WIPI2: variants seen among roughly 807,000 people sequenced by gnomAD.
WIPI2 encodes the protein WD repeat domain, phosphoinositide interacting 2, also known as WD repeat domain phosphoinositide-interacting protein 2.
Under a neutral mutation model 52.3 loss-of-function variants are expected in WIPI2, and 28 were observed. The ratio of observed to expected loss-of-function variants is 0.54; its 90% confidence interval spans 0.40 to 0.73. The LOEUF is 0.73. Among genes scored for constraint, WIPI2 ranks in the 30% least tolerant of loss-of-function variants. The probability of loss-of-function intolerance (pLI) is 0.00; values close to 1 mark genes in which losing one functional copy is unlikely to be tolerated. For synonymous variants in WIPI2, 268 were observed against 245.0 expected (o/e 1.09, Z -0.88); for missense variants, 506 against 602.9 (o/e 0.84, Z 1.68).
Position 5,192,244 on chromosome 7 carries a change from G to C in WIPI2, c.75-874G>C, listed in dbSNP as rs1270340519. On this transcript the variant is annotated intron_variant, in intron 1 of 12. Transcript: ENST00000288828. The stretch of plus-strand genomic sequence containing the variant: ...ACTATGTTAATCCAGATAGGGAAAA[G>C]GACACATCCCAAACCAATTCTAATT... Among the ~76,000 whole-genome samples, 4 of 152,174 alleles carry C rather than the reference G, an allele frequency of 2.6e-5. No individual in the cohort carries two copies. The East Asian group carries it at 7.7e-4, about 29-fold the overall frequency.
At position 5,193,778 on chromosome 7, in the gene WIPI2, A is replaced by G. The variant is rs61274393; in HGVS notation, c.128+607A>G. On this transcript the variant is annotated intron_variant, in intron 2 of 12. Transcript: ENST00000288828. Reference sequence around the variant, plus strand: ...GTTTTTGTAGGCACAGGGTCTTGCTATGTCGACCAGGCTGGTGTTGAACTC... The same window carrying G: ...GTTTTTGTAGGCACAGGGTCTTGCTGTGTCGACCAGGCTGGTGTTGAACTC... 4.8e-4 allele frequency among the ~76,000 whole-genome samples: 73 copies of G among 151,852 alleles called. 1 individual carries two copies. Among genetic ancestry groups the G allele is most frequent in the Middle Eastern group, 3.4e-3 (1 of 294 alleles).
At chr7:5,216,723 G>A (rs1412272678) in intron 5 of WIPI2, 64 bp downstream of exon 5, 8 of 1,504,898 alleles carry the variant, frequency 5.3e-6, no homozygotes, top group Non-Finnish European at 7.3e-6. Flanking sequence ...ATAGCTATAG[G>A]TGAGAGAGAT....
chr7:5,224,520 A>C (rs1783324807), intron 8 of WIPI2, among the ~76,000 whole-genome samples: 1 of 152,186 alleles, frequency 6.6e-6, no homozygotes. Flanking sequence ...CTGGAGTTTT[A>C]CTACTACTCA....
intron 3 of WIPI2, among the ~76,000 whole-genome samples, chr7:5,213,586 A>C (rs1166874877): frequency 6.6e-6 from 1 of 152,236 alleles, no homozygotes; most frequent in Non-Finnish European, 1.5e-5. Flanking sequence ...AGGCCACAGC[A>C]TACAGCCTAG....
Position 5,232,265 on chromosome 7 carries a change from T to C in WIPI2, c.*1318T>C. On this transcript the variant is annotated 3_prime_UTR_variant, in exon 13 of 13. Coordinates refer to ENST00000288828, the MANE Select transcript of WIPI2 (RefSeq NM_015610.4). ...TTGAACCGAGGAAGGCTGGGACGCCTGTTTCCAGATGGTTGTCATGGTCAC... is the reference window on the plus strand; with the variant it reads ...TTGAACCGAGGAAGGCTGGGACGCCCGTTTCCAGATGGTTGTCATGGTCAC... 2.5e-6 allele frequency: 1 copy of C among 398,664 alleles called. No individual in the cohort carries two copies. Among genetic ancestry groups the C allele is most frequent in the Non-Finnish European group, 4.4e-6 (1 of 226,078 alleles). 24.7% of individuals were successfully genotyped at this position (398,664 alleles called of 1,614,324 possible).
chr7:5,219,581 C>G (rs983065278), intron 7 of WIPI2, among the ~76,000 whole-genome samples: 1 of 152,196 alleles, frequency 6.6e-6, no homozygotes, highest in Non-Finnish European at 1.5e-5. Context: ...CCCCTGAGGC[C>G]TGTGACTTAA....
Position 5,193,059 on chromosome 7 carries a change from C to T in WIPI2, c.75-59C>T, listed in dbSNP as rs1042270371. ...TCATGATTCCTATCCTAAAAGTGTG[C>T]ATAAGTTTTATTTGTTTTTTACCAT... On this transcript the variant is annotated intron_variant, in intron 1 of 12. Coordinates refer to ENST00000288828, the MANE Select transcript of WIPI2 (RefSeq NM_015610.4). 5.9e-5 allele frequency: 89 copies of T among 1,520,378 alleles called. No individual in the cohort carries two copies. The African/African-American group carries it at 1.1e-3, about 19-fold the overall frequency. 94.2% of individuals were successfully genotyped at this position (1,520,378 alleles called of 1,614,324 possible).
chr7:5,223,454 C>G (rs2115304607), intron 8 of WIPI2, among the ~76,000 whole-genome samples: 1 of 152,244 alleles, frequency 6.6e-6, no homozygotes, highest in Non-Finnish European at 1.5e-5. Context: ...AGCAGGTGCA[C>G]CTCAGTATCC....
Position 5,214,534 on chromosome 7 carries a change from G to T in WIPI2, c.212-1G>T. ...GCATGTACTTCCCTTTGTGATTTCAGCCGATACGGAAGATGTGTGCATTGT... is the reference window on the plus strand; with the variant it reads ...GCATGTACTTCCCTTTGTGATTTCATCCGATACGGAAGATGTGTGCATTGT... On this transcript the variant is annotated splice_acceptor_variant, in intron 3 of 12. Transcript: ENST00000288828. LOFTEE classifies it high-confidence loss of function. 1 of 1,614,232 alleles carries T rather than the reference G, an allele frequency of 6.2e-7. No homozygotes were observed. Among genetic ancestry groups the T allele is most frequent in the Non-Finnish European group, 8.5e-7 (1 of 1,180,046 alleles).
intron 2 of WIPI2, among the ~76,000 whole-genome samples, chr7:5,196,783 C>T (rs978993348): frequency 1.3e-5 from 2 of 151,926 alleles, no homozygotes; most frequent in African/African-American, 2.4e-5. Flanking sequence ...TGACAACTGT[C>T]GGCAAAACAA....
intron 7 of WIPI2, among the ~76,000 whole-genome samples, chr7:5,221,120 T>C (rs973671055): frequency 1.3e-5 from 2 of 151,904 alleles, no homozygotes; most frequent in Non-Finnish European, 2.9e-5. Flanking sequence ...TGCGCCACCA[T>C]GCCCAGCTAA....
intron 4 of WIPI2, among the ~76,000 whole-genome samples, chr7:5,214,908 G>C (rs1033206340): frequency 6.6e-6 from 1 of 152,176 alleles, no homozygotes; most frequent in Non-Finnish European, 1.5e-5. Context: ...ACAAATGCCC[G>C]GGCCTCTGCC....
intron 2 of WIPI2, chr7:5,193,406 G>A: frequency 8.2e-7 from 1 of 1,217,738 alleles, no homozygotes; most frequent in Non-Finnish European, 1.1e-6. Context: ...AATGAAGAAA[G>A]GGACTTGACT....
chr7:5,229,458 C>A, intron 11 of WIPI2, 150 bp from the exon 12 acceptor site: 4 of 843,608 alleles, frequency 4.7e-6, no homozygotes, highest in Non-Finnish European at 7.1e-6. Context: ...TGCAGATAGA[C>A]GAGATTAAAG....
chr7:5,198,162 T>C (rs1416786297), intron 2 of WIPI2, among the ~76,000 whole-genome samples: 2 of 152,152 alleles, frequency 1.3e-5, no homozygotes, highest in Admixed American at 6.5e-5. Context: ...TAAGGTAGCT[T>C]TGGAGTCCGT....
Position 5,227,708 on chromosome 7 carries a change from G to A in WIPI2, c.1013+364G>A, listed in dbSNP as rs1166517420. 6.6e-6 allele frequency among the ~76,000 whole-genome samples: 1 copy of A among 152,218 alleles called. No individual in the cohort carries two copies. The highest frequency in any genetic ancestry group is 6.5e-5 in the Admixed American group (1 of 15,272). On this transcript the variant is annotated intron_variant, in intron 10 of 12. Coordinates refer to ENST00000288828, the MANE Select transcript of WIPI2 (RefSeq NM_015610.4). This position sits in a 1 kb window ranked among gnomAD's most constrained non-coding sequence, Gnocchi z 8.1. Reference sequence around the variant, plus strand: ...GGTCTGGCCTCAGAACACACACAGGGCCTGTGGAGGTTCTGTGCTGCGTGC... The same window carrying A: ...GGTCTGGCCTCAGAACACACACAGGACCTGTGGAGGTTCTGTGCTGCGTGC...
chr7:5,214,497 G>C, intron 3 of WIPI2, 38 bp from the exon 4 acceptor site: 3 of 1,614,172 alleles, frequency 1.9e-6, no homozygotes, highest in Non-Finnish European at 2.5e-6. Flanking sequence ...ATAGCCATGT[G>C]GAGATGTTCA....
At chr7:5,212,662 C>T (rs748997499) in intron 3 of WIPI2, among the ~76,000 whole-genome samples, 15 of 152,300 alleles carry the variant, frequency 9.8e-5, no homozygotes, top group Non-Finnish European at 1.8e-4. Flanking sequence ...GCTACACAGG[C>T]ATGCACCACC....
chr7:5,207,483 T>C (rs1230415740), intron 3 of WIPI2, among the ~76,000 whole-genome samples: 1 of 152,246 alleles, frequency 6.6e-6, no homozygotes, highest in East Asian at 1.9e-4. Flanking sequence ...TTATGTCTCA[T>C]TTGCCCAGTA....
Sources: allele counts gnomAD v4.1 joint callset (sites outside exome capture counted in the v4.1 genomes callset), GRCh38; gene constraint gnomAD v4.1.1; non-coding constraint Gnocchi (gnomAD v3.1); transcripts MANE v1.5; gene names NCBI Gene and HGNC (gene_info 2026-07-23, HGNC 2026-07-21).